Variants in MED7 observed in about 807,000 individuals in gnomAD.
The protein encoded by MED7 is mediator of RNA polymerase II transcription subunit 7.
In MED7, 7 loss-of-function variants were observed where a neutral mutation model predicts 16.6. The ratio of observed to expected loss-of-function variants is 0.42; its 90% CI spans 0.24 to 0.79. The LOEUF (loss-of-function observed/expected upper bound fraction) is 0.79. MED7 is among the 30% of genes least tolerant of loss of function. The pLI is 0.27. For missense variants in MED7, 240 were observed against 286.3 expected (o/e 0.84, Z 1.17); for synonymous variants, 88 against 90.5 (o/e 0.97, Z 0.16).
chr5:157,141,649 T>G (rs1243921821), intron 1 of MED7, among the ~76,000 whole-genome samples: 1 of 151,792 alleles, frequency 6.6e-6, no homozygotes, highest in Admixed American at 6.6e-5. Context: ...AGTGCAGTGG[T>G]ACCATCAGGG....
intron 1 of MED7, among the ~76,000 whole-genome samples, chr5:157,140,411 C>T (rs17054271): frequency 0.033 from 4,990 of 152,264 alleles, 195 homozygotes; most frequent in African/African-American, 0.097. Context: ...ACTTATTCTA[C>T]CTTAAGCCTA....
At chr5:157,142,033 GCT>G (rs1371846061) in intron 1 of MED7, among the ~76,000 whole-genome samples, 2 of 152,218 alleles carry the variant, frequency 1.3e-5, no homozygotes, top group African/African-American at 4.8e-5. Flanking sequence ...CAAAGGGCAA[GCT>G]CTCTTATATC....
intron 1 of MED7, among the ~76,000 whole-genome samples, chr5:157,141,763 T>A (rs1281751291): frequency 1.3e-5 from 2 of 151,978 alleles, no homozygotes; most frequent in Non-Finnish European, 2.9e-5. Flanking sequence ...CTAATTTTTG[T>A]ATTTCTCGGT....
chr5:157,141,957 G>A (rs1200045045), intron 1 of MED7, among the ~76,000 whole-genome samples: 4 of 152,192 alleles, frequency 2.6e-5, no homozygotes, highest in Non-Finnish European at 5.9e-5. Context: ...GAGGGGAAGT[G>A]TTGCCCCAGA....
intron 1 of MED7, among the ~76,000 whole-genome samples, chr5:157,141,256 A>G (rs1304339364): frequency 2.0e-5 from 3 of 151,782 alleles, no homozygotes; most frequent in African/African-American, 7.3e-5. Flanking sequence ...AATGTTTTCT[A>G]TTTTCAGTAG....
At chr5:157,139,707 T>A (rs1488228821) in intron 1 of MED7, among the ~76,000 whole-genome samples, 1 of 121,312 alleles carries the variant, frequency 8.2e-6, no homozygotes, top group Non-Finnish European at 1.9e-5. Context: ...TGTAGCATCC[T>A]CTCATCTCTA....
In MED7 at chr5:157,138,910, A is replaced by G. The variant is rs201198832; in HGVS notation, c.522T>C (p.Asp174=). ...IQNCLASLPD[D]LPHSEAGMRV... The stretch of plus-strand genomic sequence containing the variant: ...TCATTCCTGCTTCTGAATGAGGCAA[A>G]TCATCAGGCAAAGAAGCCAAGCAAT... Residue 174 remains aspartate, a synonymous_variant, in exon 2 of 2, where the codon GAT becomes GAC. Coordinates refer to ENST00000286317, the MANE Select transcript of MED7 (RefSeq NM_004270.5). 6.2e-7 allele frequency: 1 copy of G among 1,614,122 alleles called. No individual in the cohort carries two copies. Among genetic ancestry groups the G allele is most frequent in the East Asian group, 2.2e-5 (1 of 44,876 alleles).
intron 1 of MED7, among the ~76,000 whole-genome samples, chr5:157,140,698 AGCCCG>A (rs1451745653): frequency 6.6e-6 from 1 of 152,072 alleles, no homozygotes; most frequent in Admixed American, 6.5e-5. Context: ...CATGTCACCA[AGCCCG>A]GCTAATTTTT....
intron 1 of MED7, among the ~76,000 whole-genome samples, chr5:157,141,492 T>C (rs1477094955): frequency 6.6e-6 from 1 of 152,248 alleles, no homozygotes; most frequent in Non-Finnish European, 1.5e-5. Context: ...GGCTGCCATT[T>C]TCCTAAGGCC....
At chr5:157,140,033 G>C (rs886972668) in intron 1 of MED7, among the ~76,000 whole-genome samples, 1 of 152,064 alleles carries the variant, frequency 6.6e-6, no homozygotes, top group East Asian at 1.9e-4. Context: ...TTTTGAGATG[G>C]AGTCTTGCTC....
chr5:157,141,237 C>T (rs1383460158), intron 1 of MED7, among the ~76,000 whole-genome samples: 1 of 152,060 alleles, frequency 6.6e-6, no homozygotes, highest in Non-Finnish European at 1.5e-5. Context: ...CCCGCCACGA[C>T]GCCCGGCTAA....
rs1269554694 is a variant in MED7 at position 157,139,314 on chromosome 5, C to A, written c.118G>T (p.Asp40Tyr). 2 of 1,613,932 alleles carry A rather than the reference C, an allele frequency of 1.2e-6. No homozygotes were observed. The highest frequency in any genetic ancestry group is 2.7e-5 in the African/African-American group (2 of 74,894). Reference protein sequence around the residue: ...LAPKPPPPIKDSYMMFGNQFQ... With the variant: ...LAPKPPPPIKYSYMMFGNQFQ... ...TGATTGCCAAACATCATGTAACTGTCTTTTATTGGAGGGGGAGGCTTGGGA... is the reference window on the plus strand; with the variant it reads ...TGATTGCCAAACATCATGTAACTGTATTTTATTGGAGGGGGAGGCTTGGGA... The change falls in exon 2 of 2, where the codon GAC becomes TAC. Residue 40 changes from aspartate (D) to tyrosine (Y), a missense_variant. Physicochemically the swap from Asp to Tyr is radical, Grantham distance 160 (BLOSUM62 -3). Coordinates refer to ENST00000286317, the MANE Select transcript of MED7 (RefSeq NM_004270.5).
rs1279826270 is a variant in MED7, at chr5:157,139,288, C to T, written c.144G>A (p.Gln48=). The T allele has an allele frequency of 6.2e-7, 1 of 1,614,164 alleles. No individual in the cohort carries two copies. The highest frequency in any genetic ancestry group is 8.5e-7 in the Non-Finnish European group (1 of 1,180,034). Residue 48 remains glutamine, a synonymous_variant, in exon 2 of 2, where the codon CAG becomes CAA. Transcript: ENST00000286317. ...GGATGATAAGATCATCACATTGGAA[C>T]TGATTGCCAAACATCATGTAACTGT... ...IKDSYMMFGN[Q]FQCDDLIIRP... is the part of the protein sequence containing the mutation.
In MED7 at chr5:157,139,125, T is replaced by C; in HGVS notation, c.307A>G (p.Ile103Val). 6.2e-7 allele frequency: 1 copy of C among 1,614,072 alleles called. No individual in the cohort carries two copies. Among genetic ancestry groups the C allele is most frequent in the Non-Finnish European group, 8.5e-7 (1 of 1,179,942 alleles). ...LDILIRSPGS[I>V]KREEKLEDLK... The stretch of plus-strand genomic sequence containing the variant: ...TCTTCTAGTTTCTCTTCTCGTTTTA[T>C]ACTCCCAGGGCTCCTTATTAAAATA... Residue 103 changes from isoleucine to valine, a missense_variant, in exon 2 of 2, where the codon ATA becomes GTA. Coordinates refer to ENST00000286317, the MANE Select transcript of MED7 (RefSeq NM_004270.5).
intron 1 of MED7, among the ~76,000 whole-genome samples, 191 bp from the exon 2 acceptor site, chr5:157,139,639 T>C (rs1331590195): frequency 6.6e-6 from 1 of 151,908 alleles, no homozygotes; most frequent in African/African-American, 2.4e-5. Flanking sequence ...CATTATATTC[T>C]CAACCATTCA....
rs1453346557 is a variant in MED7 at position 157,138,720 on chromosome 5, G to C, written c.*10C>G. 3.8e-6 allele frequency: 6 copies of C among 1,562,840 alleles called. No individual in the cohort carries two copies. Among genetic ancestry groups the C allele is most frequent in the Non-Finnish European group, 5.2e-6 (6 of 1,158,352 alleles). On this transcript the variant is annotated 3_prime_UTR_variant, in exon 2 of 2. Coordinates refer to ENST00000286317, the MANE Select transcript of MED7 (RefSeq NM_004270.5). ...ATTATCAAAAGGAAAAAAAGAAAAA[G>C]AAACATCTTTCATGGTCTTTCATTC...
At position 157,141,212 on chromosome 5, in the gene MED7, C is replaced by A. The variant is rs575228295; in HGVS notation, c.-18+1608G>T. ...TCTCCTGCCTCAGCCGCCTGAGTAG[C>A]TAGGACTACAGGCGCCCGCCACGAC... On this transcript the variant is annotated intron_variant, in intron 1 of 1. Transcript: ENST00000286317. 2.6e-5 allele frequency among the ~76,000 whole-genome samples: 4 copies of A among 152,086 alleles called. No individual in the cohort carries two copies. The South Asian group carries it at 8.3e-4, about 32-fold the overall frequency.
chr5:157,139,090 C>T lies in MED7; in HGVS notation c.342G>A (p.Leu114=), dbSNP rs1158338451. The T allele has an allele frequency of 2.5e-6, 4 of 1,613,972 alleles. No homozygotes were observed. Among genetic ancestry groups the T allele is most frequent in the East Asian group, 2.2e-5 (1 of 44,886 alleles). Residue 114 remains leucine (L), a synonymous_variant, in exon 2 of 2, where the codon CTG becomes CTA. Coordinates refer to ENST00000286317, the MANE Select transcript of MED7 (RefSeq NM_004270.5). ...KREEKLEDLK[L]LFVHVHHLIN... Reference sequence around the variant, plus strand: ...TAAGATGATGCACGTGTACAAAAAGCAGCTTAAGATCTTCTAGTTTCTCTT... The same window carrying T: ...TAAGATGATGCACGTGTACAAAAAGTAGCTTAAGATCTTCTAGTTTCTCTT...
At chr5:157,141,583 T>G (rs897543964) in intron 1 of MED7, among the ~76,000 whole-genome samples, 2 of 151,554 alleles carry the variant, frequency 1.3e-5, no homozygotes, top group African/African-American at 4.9e-5. Context: ...GTTTTTGGGG[T>G]TTTTGTTGTT....
Sources: allele counts gnomAD v4.1 joint callset (sites outside exome capture counted in the v4.1 genomes callset), GRCh38; gene constraint gnomAD v4.1.1; transcripts MANE v1.5; gene names NCBI Gene and HGNC (gene_info 2026-07-23, HGNC 2026-07-21).